CNTNAP2: variants seen among roughly 807,000 people sequenced by gnomAD.
CNTNAP2 encodes contactin associated protein 2.
CNTNAP2 carries 98 observed loss-of-function variants against 155.2 expected under a neutral mutation model. That is an observed-to-expected ratio of 0.63 (90% confidence interval 0.54 to 0.75). CNTNAP2 has a LOEUF of 0.75. Among genes scored for constraint, CNTNAP2 ranks in the 30% least tolerant of loss-of-function variants. The pLI, the probability that CNTNAP2 is intolerant of heterozygous loss-of-function variation, is 0.00. For missense variants in CNTNAP2, 1,727 were observed against 1,688.1 expected (o/e 1.02, Z -0.40); for synonymous variants, 651 against 631.2 (o/e 1.03, Z -0.47).
chr7:147,479,421 G>A (rs769956432), intron 10 of CNTNAP2, among the ~76,000 whole-genome samples: 1 of 152,128 alleles, frequency 6.6e-6, no homozygotes, highest in Non-Finnish European at 1.5e-5. Context: ...TGGAACAGGC[G>A]ACTGACTGAT....
chr7:147,635,184 C>CTATATATATATATATATATATATATA lies in CNTNAP2; in HGVS notation c.1898-3905_1898-3904insATATATATATATATATATATATATAT, dbSNP rs57395379. On this transcript the variant is annotated intron_variant, in intron 12 of 23. Transcript: ENST00000361727. ...TCTCCCAGCCATTATCACTGGCAAA[C>CTATATATATATATATATATATATATA]TATATATATATATATATGTTTAATT... Among the ~76,000 whole-genome samples, 83 of 137,114 alleles carry CTATATATATATATATATATATATATA rather than the reference C, an allele frequency of 6.1e-4. 1 individual carries two copies. The highest frequency in any genetic ancestry group is 1.7e-3 in the African/African-American group (53 of 32,080). 90.0% of individuals were successfully genotyped at this position (137,114 alleles called of 152,430 possible).
At chr7:148,184,571 A>G (rs192458521) in intron 18 of CNTNAP2, among the ~76,000 whole-genome samples, 1 of 152,360 alleles carries the variant, frequency 6.6e-6, no homozygotes, top group Non-Finnish European at 1.5e-5. Flanking sequence ...TTTCTCAGCA[A>G]TCCTCAAAGG....
intron 4 of CNTNAP2, among the ~76,000 whole-genome samples, chr7:147,059,532 A>C (rs1799624455): frequency 6.6e-6 from 1 of 151,344 alleles, no homozygotes; most frequent in African/African-American, 2.4e-5. Flanking sequence ...GTATAGTACT[A>C]TCCCCATGCT....
intron 14 of CNTNAP2, among the ~76,000 whole-genome samples, chr7:147,946,371 A>C (rs1585042642): frequency 6.6e-6 from 1 of 152,208 alleles, no homozygotes. Context: ...AGGGACAATG[A>C]CATGGGGTAG....
intron 1 of CNTNAP2, among the ~76,000 whole-genome samples, chr7:146,237,501 A>G (rs966242809): frequency 1.3e-5 from 2 of 152,220 alleles, no homozygotes; most frequent in African/African-American, 4.8e-5. Context: ...AAGTTACATG[A>G]TCTTCACATA....
chr7:147,875,716 ACT>A (rs1346346399), intron 13 of CNTNAP2, among the ~76,000 whole-genome samples: 5 of 152,132 alleles, frequency 3.3e-5, no homozygotes, highest in African/African-American at 1.2e-4. Flanking sequence ...ACATAGTGAG[ACT>A]CTGTCTCTAC....
chr7:146,997,661 C>T (rs1798337212), intron 3 of CNTNAP2, among the ~76,000 whole-genome samples: 1 of 152,058 alleles, frequency 6.6e-6, no homozygotes, highest in Non-Finnish European at 1.5e-5. Flanking sequence ...TAGAATTCAG[C>T]AGTGAAGCCA....
At chr7:146,970,907 TG>T (rs1316306021) in intron 3 of CNTNAP2, among the ~76,000 whole-genome samples, 2 of 152,054 alleles carry the variant, frequency 1.3e-5, no homozygotes, top group African/African-American at 4.8e-5. Flanking sequence ...TCATGTCCTT[TG>T]TAGGGACATG....
chr7:148,217,614 A>T (rs888079091), intron 19 of CNTNAP2, 90 bp downstream of exon 19: 1 of 1,384,954 alleles, frequency 7.2e-7, no homozygotes, highest in Non-Finnish European at 1.0e-6. Context: ...TTGGTTTGTT[A>T]TTTATTCCCC....
chr7:146,123,810 G>A (rs182278649), intron 1 of CNTNAP2, among the ~76,000 whole-genome samples: 13 of 152,146 alleles, frequency 8.5e-5, no homozygotes. Context: ...TAAAATTAAA[G>A]GTGCTTCTAT....
At chr7:146,834,385 G>A (rs993865558) in intron 2 of CNTNAP2, among the ~76,000 whole-genome samples, 2 of 152,080 alleles carry the variant, frequency 1.3e-5, no homozygotes, top group Non-Finnish European at 2.9e-5. Flanking sequence ...TACAAACACT[G>A]TATATCTTTA....
chr7:147,375,503 C>A (rs571230549), intron 9 of CNTNAP2, among the ~76,000 whole-genome samples: 2 of 152,034 alleles, frequency 1.3e-5, no homozygotes, highest in Admixed American at 6.6e-5. Flanking sequence ...CTCTTGCAAT[C>A]TTTTAGGGAG....
intron 11 of CNTNAP2, among the ~76,000 whole-genome samples, chr7:147,554,304 T>C (rs1003462069): frequency 6.6e-6 from 1 of 152,034 alleles, no homozygotes; most frequent in Admixed American, 6.6e-5. Context: ...CTCCAGGAAA[T>C]ATGGCAATCA....
intron 13 of CNTNAP2, among the ~76,000 whole-genome samples, chr7:147,707,433 T>A (rs1796332396): frequency 6.6e-6 from 1 of 152,224 alleles, no homozygotes; most frequent in Non-Finnish European, 1.5e-5. Context: ...GTGTCTGTGA[T>A]TTCCTCAGTG....
At chr7:147,759,458 C>T (rs1425256249) in intron 13 of CNTNAP2, among the ~76,000 whole-genome samples, 2 of 152,178 alleles carry the variant, frequency 1.3e-5, no homozygotes, top group African/African-American at 2.4e-5. Context: ...GACTTTCTAC[C>T]AAAATCCATG....
intron 18 of CNTNAP2, among the ~76,000 whole-genome samples, chr7:148,189,262 G>C (rs1039667766): frequency 6.6e-6 from 1 of 152,132 alleles, no homozygotes; most frequent in Non-Finnish European, 1.5e-5. Context: ...CCCTAGAAAA[G>C]GATTTCAAAA....
At chr7:147,855,767 T>G (rs770650919) in intron 13 of CNTNAP2, among the ~76,000 whole-genome samples, 4 of 152,186 alleles carry the variant, frequency 2.6e-5, no homozygotes, top group Non-Finnish European at 2.9e-5. Context: ...AGAAAAAATA[T>G]ATATTAAAGA....
At chr7:146,211,115 C>T (rs1299421749) in intron 1 of CNTNAP2, among the ~76,000 whole-genome samples, 4 of 152,094 alleles carry the variant, frequency 2.6e-5, no homozygotes, top group African/African-American at 7.2e-5. Context: ...AACTCTAGGG[C>T]CCTTTGCACC....
chr7:146,281,754 C>T (rs186821053), intron 1 of CNTNAP2, among the ~76,000 whole-genome samples: 1 of 151,190 alleles, frequency 6.6e-6, no homozygotes, highest in South Asian at 2.1e-4. Context: ...AAGATCTCAC[C>T]GTTGCACTCC....
Sources: allele counts gnomAD v4.1 joint callset (sites outside exome capture counted in the v4.1 genomes callset), GRCh38; gene constraint gnomAD v4.1.1; transcripts MANE v1.5; gene names NCBI Gene and HGNC (gene_info 2026-07-23, HGNC 2026-07-21).